The following LRRC49 variants were observed in gnomAD, a reference collection of about 807,000 sequenced individuals.
LRRC49 encodes leucine-rich repeat-containing protein 49.
In LRRC49, 50 loss-of-function variants were observed where a neutral mutation model predicts 83.3. The observed-to-expected ratio is 0.60, with a 90% CI of 0.48 to 0.76. LRRC49 has a LOEUF of 0.76. Ranked by LOEUF, LRRC49 falls within the 30% of genes least tolerant of loss-of-function variation. The pLI is 0.00. For missense variants in LRRC49, 704 were observed against 809.1 expected, an observed-to-expected ratio of 0.87 and a Z score of 1.58; for synonymous variants, 286 against 283.3, an observed-to-expected ratio of 1.01 and a Z score of -0.10.
At position 70,892,862 on chromosome 15, in the gene LRRC49, A is replaced by C. The variant is rs2033643353; in HGVS notation, c.-33A>C. On this transcript the variant is annotated 5_prime_UTR_variant, in exon 1 of 16. Coordinates refer to ENST00000260382, the MANE Select transcript of LRRC49 (RefSeq NM_017691.5). Reference sequence around the variant, plus strand: ...TCCGCTGTAGCGTCACCTGGAAGGCAGATCTAACAGAGAACCTGGACTGTC... The same window carrying C: ...TCCGCTGTAGCGTCACCTGGAAGGCCGATCTAACAGAGAACCTGGACTGTC... The C allele has an allele frequency of 1.9e-6, 3 of 1,614,076 alleles. No homozygotes were observed. The highest frequency in any genetic ancestry group is 1.3e-5 in the African/African-American group (1 of 74,930).
intron 11 of LRRC49, among the ~76,000 whole-genome samples, chr15:70,985,040 T>A (rs1425600224): frequency 7.4e-6 from 1 of 134,424 alleles, no homozygotes; most frequent in Admixed American, 8.0e-5. Context: ...TGTTGGACAT[T>A]TGGGTTGGTT....
At chr15:70,911,318 A>T (rs1271332380) in intron 5 of LRRC49, among the ~76,000 whole-genome samples, 3 of 152,186 alleles carry the variant, frequency 2.0e-5, no homozygotes, top group African/African-American at 7.2e-5. Context: ...TTTTCTAATG[A>T]TGTGACATTT....
intron 14 of LRRC49, among the ~76,000 whole-genome samples, chr15:71,028,539 C>A (rs1247395086): frequency 1.3e-5 from 2 of 151,858 alleles, no homozygotes; most frequent in Non-Finnish European, 2.9e-5. Context: ...CCTCTTTGTA[C>A]CTCTGGTAGA....
At chr15:70,940,500 C>T (rs530260205) in intron 8 of LRRC49, among the ~76,000 whole-genome samples, 1 of 151,708 alleles carries the variant, frequency 6.6e-6, no homozygotes, top group East Asian at 1.9e-4. Flanking sequence ...GCCTTGGCCT[C>T]CCAAAGTGCT....
At chr15:70,933,616 C>T (rs1375968121) in intron 7 of LRRC49, among the ~76,000 whole-genome samples, 1 of 152,104 alleles carries the variant, frequency 6.6e-6, no homozygotes, top group Non-Finnish European at 1.5e-5. Flanking sequence ...GCCAGAATGA[C>T]TAGTTGATAA....
chr15:70,900,459 C>G, intron 3 of LRRC49: 2 of 456,588 alleles, frequency 4.4e-6, no homozygotes, highest in Non-Finnish European at 8.8e-6. Flanking sequence ...TGTGACAGAA[C>G]TATATGGGCT....
intron 7 of LRRC49, among the ~76,000 whole-genome samples, chr15:70,930,010 G>A (rs1169752469): frequency 5.3e-5 from 8 of 151,904 alleles, no homozygotes; most frequent in Non-Finnish European, 7.4e-5. Context: ...CCAAACTCCT[G>A]TTAATGTTGA....
chr15:71,009,017 C>A (rs1034659975), intron 12 of LRRC49, among the ~76,000 whole-genome samples: 3 of 151,656 alleles, frequency 2.0e-5, no homozygotes, highest in African/African-American at 7.3e-5. Context: ...ATTTTAATAG[C>A]TCATTAAAAT....
At chr15:70,880,621 C>T (rs1053560736) in intron 2 of LRRC49, among the ~76,000 whole-genome samples, 2 of 152,012 alleles carry the variant, frequency 1.3e-5, no homozygotes, top group Non-Finnish European at 2.9e-5. Context: ...TTTCCTTTTA[C>T]TGTGAAGGGC....
intron 11 of LRRC49, among the ~76,000 whole-genome samples, chr15:70,996,533 C>A (rs1350623679): frequency 6.6e-6 from 1 of 152,084 alleles, no homozygotes. Flanking sequence ...CTGGCTCCTT[C>A]TCTACCAAAT....
At chr15:70,987,427 G>T (rs576233203) in intron 11 of LRRC49, among the ~76,000 whole-genome samples, 3 of 152,260 alleles carry the variant, frequency 2.0e-5, no homozygotes, top group South Asian at 2.1e-4. Flanking sequence ...TTGCATAGAG[G>T]TGTTTGTAGT....
intron 1 of LRRC49, among the ~76,000 whole-genome samples, chr15:70,871,818 T>C (rs2033050103): frequency 7.7e-6 from 1 of 129,510 alleles, no homozygotes; most frequent in African/African-American, 3.0e-5. Flanking sequence ...GTAGAGGCGC[T>C]CCCCACATCT....
chr15:71,002,985 T>C (rs1379954642), intron 11 of LRRC49, among the ~76,000 whole-genome samples: 3 of 116,184 alleles, frequency 2.6e-5, no homozygotes, highest in Non-Finnish European at 3.3e-5. Context: ...TTTTTGAGGC[T>C]GGAGCGCAAT....
chr15:70,890,057 T>C (rs1408130454), upstream of LRRC49, among the ~76,000 whole-genome samples: 3 of 152,218 alleles, frequency 2.0e-5, no homozygotes, highest in Non-Finnish European at 4.4e-5. Flanking sequence ...ACTTACTAAA[T>C]GGAAAACAGA....
At chr15:70,895,182 G>T (rs1369480226) in intron 2 of LRRC49, among the ~76,000 whole-genome samples, 22 of 152,002 alleles carry the variant, frequency 1.4e-4, no homozygotes, top group Admixed American at 1.4e-3. Context: ...TACATATTTG[G>T]GGTTTTTTGT....
At chr15:70,971,330 C>T (rs1429026727) in intron 9 of LRRC49, among the ~76,000 whole-genome samples, 1 of 152,186 alleles carries the variant, frequency 6.6e-6, no homozygotes, top group Non-Finnish European at 1.5e-5. Context: ...CGTGATTGCA[C>T]TGTGGTCCGA....
intron 11 of LRRC49, among the ~76,000 whole-genome samples, chr15:70,991,604 A>G (rs1648420454): frequency 6.6e-6 from 1 of 152,148 alleles, no homozygotes; most frequent in Non-Finnish European, 1.5e-5. Context: ...TTTTTTTCGG[A>G]TATTTTTGAT....
chr15:70,916,329 C>T (rs925365301), intron 6 of LRRC49, among the ~76,000 whole-genome samples: 1 of 152,108 alleles, frequency 6.6e-6, no homozygotes, highest in Non-Finnish European at 1.5e-5. Context: ...GAGTTTCGCT[C>T]TGTCGCCCAG....
At chr15:70,872,265 CGCGCCTGCAATCCCAG>C (rs2033063309) in intron 1 of LRRC49, among the ~76,000 whole-genome samples, 2 of 152,234 alleles carry the variant, frequency 1.3e-5, no homozygotes. Flanking sequence ...CGTGGCAGCA[CGCGCCTGCAATCCCAG>C]GCACTGGGCA....
Sources: allele counts gnomAD v4.1 joint callset (sites outside exome capture counted in the v4.1 genomes callset), GRCh38; gene constraint gnomAD v4.1.1; transcripts MANE v1.5; gene names NCBI Gene and HGNC (gene_info 2026-07-23, HGNC 2026-07-21).